The following RPRD2 variants were observed in gnomAD, a reference collection of about 807,000 sequenced individuals.
The protein encoded by RPRD2 is regulation of nuclear pre-mRNA domain-containing protein 2.
RPRD2 carries 12 observed loss-of-function variants against 104.4 expected under a neutral mutation model. That is an observed-to-expected ratio of 0.11 (90% CI 0.07 to 0.19). The LOEUF (loss-of-function observed/expected upper bound fraction) is 0.19, where lower values mean the gene tolerates loss of function less well. Among genes scored for constraint, RPRD2 ranks in the 10% least tolerant of loss-of-function variants. The pLI, the probability that RPRD2 is intolerant of heterozygous loss-of-function variation, is 1.00. For missense variants in RPRD2, 1,543 were observed against 1,790.1 expected (o/e 0.86, Z 2.49); for synonymous variants, 714 against 684.9 (o/e 1.04, Z -0.66).
chr1:150,365,975 G>T (rs1451854010), intron 1 of RPRD2, among the ~76,000 whole-genome samples: 1 of 152,154 alleles, frequency 6.6e-6, no homozygotes, highest in African/African-American at 2.4e-5. Context: ...TGTGCTTTTT[G>T]AATATGTAGT....
Position 150,364,726 on chromosome 1 carries a change from C to T in RPRD2, c.12C>T (p.Gly4=), listed in dbSNP as rs782473657. MAA[G]GGGGSSKASS... is the part of the protein sequence containing the mutation. Reference sequence around the variant, plus strand: ...TGCAAACCGGGAAGATGGCGGCCGGCGGCGGCGGAGGCAGCAGTAAGGCCT... The same window carrying T: ...TGCAAACCGGGAAGATGGCGGCCGGTGGCGGCGGAGGCAGCAGTAAGGCCT... Residue 4 remains glycine, a synonymous_variant, in exon 1 of 11, where the codon GGC becomes GGT. Coordinates refer to ENST00000369068, the MANE Select transcript of RPRD2 (RefSeq NM_015203.5). The T allele has an allele frequency of 2.5e-6, 4 of 1,570,190 alleles. No individual in the cohort carries two copies. The highest frequency in any genetic ancestry group is 2.3e-5 in the South Asian group (2 of 87,288).
intron 3 of RPRD2, 139 bp from the exon 4 acceptor site, chr1:150,441,742 T>TA (rs1666418006): frequency 1.9e-6 from 1 of 535,940 alleles, no homozygotes; most frequent in Admixed American, 3.8e-5. Flanking sequence ...TATTTTTTCA[T>TA]AAAAATGAAA....
chr1:150,432,672 C>T (rs587735854), intron 2 of RPRD2, among the ~76,000 whole-genome samples: 3 of 145,638 alleles, frequency 2.1e-5, no homozygotes, highest in African/African-American at 7.6e-5. Context: ...TATAAAAGGA[C>T]TACAATTAAA....
rs587743268 is a variant in RPRD2, at chr1:150,379,727, G to T, written c.205+14808G>T. ...AATTTTTGTATTTTTAGTAGAGATG[G>T]GATTTCACCATGTGTGGCCAGGATG... On this transcript the variant is annotated intron_variant, in intron 1 of 10. Coordinates refer to ENST00000369068, the MANE Select transcript of RPRD2 (RefSeq NM_015203.5). 1.6e-4 allele frequency among the ~76,000 whole-genome samples: 25 copies of T among 152,256 alleles called. 1 individual carries two copies. The South Asian group carries it at 5.0e-3, about 30-fold the overall frequency.
rs868968205 is a variant in RPRD2 at position 150,407,794 on chromosome 1, A to T, written c.206-9802A>T. The stretch of plus-strand genomic sequence containing the variant: ...TTTCTTCTATTTAAATATTCAAGTG[A>T]CACTGCCATTATTTGTACTGAGTGT... On this transcript the variant is annotated intron_variant, in intron 1 of 10. Coordinates refer to ENST00000369068, the MANE Select transcript of RPRD2 (RefSeq NM_015203.5). Among the ~76,000 whole-genome samples the T allele has an allele frequency of 1.8e-4, 27 of 152,374 alleles. 1 individual carries two copies. In the Middle Eastern group the frequency reaches 0.024, roughly 134 times the overall value.
chr1:150,381,705 C>T (rs1419234239), intron 1 of RPRD2, among the ~76,000 whole-genome samples: 1 of 151,916 alleles, frequency 6.6e-6, no homozygotes, highest in Non-Finnish European at 1.5e-5. Flanking sequence ...GGGGTTTCAC[C>T]GTGTCAGCCA....
chr1:150,406,958 G>A (rs1363557111), intron 1 of RPRD2, among the ~76,000 whole-genome samples: 1 of 151,864 alleles, frequency 6.6e-6, no homozygotes, highest in South Asian at 2.1e-4. Context: ...CAGGTGATCC[G>A]CCCGCCTCGG....
At chr1:150,426,787 A>G (rs970696685) in intron 2 of RPRD2, among the ~76,000 whole-genome samples, 3 of 152,058 alleles carry the variant, frequency 2.0e-5, no homozygotes, top group Admixed American at 6.6e-5. Context: ...AGTTCTGGAG[A>G]TATGGATGGT....
Position 150,364,614 on chromosome 1 carries a change from C to T in RPRD2, c.-101C>T. 1.5e-6 allele frequency: 1 copy of T among 648,174 alleles called. No homozygotes were observed. The allele number at this position is 648,174 out of a possible 1,614,324, so 40.2% of individuals were successfully genotyped here. A position where few individuals can be genotyped will look rare whatever the true frequency, so the allele number is the denominator to read the frequency against. On this transcript the variant is annotated 5_prime_UTR_variant, in exon 1 of 11. Coordinates refer to ENST00000369068, the MANE Select transcript of RPRD2 (RefSeq NM_015203.5). ...CCCCACCCCCTAGCTTCCCTCCCCACCTACGGCTTTCACGCACTCGCAGTG... is the reference window on the plus strand; with the variant it reads ...CCCCACCCCCTAGCTTCCCTCCCCATCTACGGCTTTCACGCACTCGCAGTG...
chr1:150,403,339 T>C (rs1553885815), intron 1 of RPRD2, among the ~76,000 whole-genome samples: 1 of 152,138 alleles, frequency 6.6e-6, no homozygotes. Context: ...ACATTAACAT[T>C]GTTACGCAGC....
intron 1 of RPRD2, among the ~76,000 whole-genome samples, chr1:150,389,819 A>G (rs1000220430): frequency 6.6e-6 from 1 of 152,216 alleles, no homozygotes; most frequent in Admixed American, 6.5e-5. Flanking sequence ...TCACAGAAGT[A>G]AAGAGTCAGC....
intron 1 of RPRD2, among the ~76,000 whole-genome samples, chr1:150,401,956 TA>T (rs1663058700): frequency 1.6e-5 from 2 of 123,042 alleles, no homozygotes; most frequent in Admixed American, 1.5e-4. Flanking sequence ...TTTTTTTTTT[TA>T]ATTTTTTTTT....
chr1:150,445,480 CT>C (rs1485330278), intron 6 of RPRD2, among the ~76,000 whole-genome samples: 1 of 152,162 alleles, frequency 6.6e-6, no homozygotes, highest in African/African-American at 2.4e-5. Flanking sequence ...TTTATTTTTA[CT>C]TTTCTGAACG....
intron 1 of RPRD2, among the ~76,000 whole-genome samples, chr1:150,388,627 T>C (rs1661825440): frequency 6.6e-6 from 1 of 151,256 alleles, no homozygotes; most frequent in Non-Finnish European, 1.5e-5. Context: ...TTTTTTTTTT[T>C]TTTTTGAGAT....
At chr1:150,397,358 A>G (rs1338878865) in intron 1 of RPRD2, among the ~76,000 whole-genome samples, 1 of 152,168 alleles carries the variant, frequency 6.6e-6, no homozygotes, top group Non-Finnish European at 1.5e-5. Context: ...TGATTTACAT[A>G]CACCAAAGTT....
chr1:150,467,594 G>A (rs920574266), intron 10 of RPRD2, among the ~76,000 whole-genome samples: 2 of 151,856 alleles, frequency 1.3e-5, no homozygotes, highest in African/African-American at 4.8e-5. Flanking sequence ...GGCTGGTCTC[G>A]AACTCCTGAC....
chr1:150,441,808 A>G, intron 3 of RPRD2, 73 bp from the exon 4 acceptor site: 2 of 966,002 alleles, frequency 2.1e-6, no homozygotes, highest in Admixed American at 2.5e-5. Flanking sequence ...TCATGCTGCA[A>G]CTTTGGCACT....
chr1:150,384,189 T>C (rs1553881319), intron 1 of RPRD2, among the ~76,000 whole-genome samples: 1 of 152,088 alleles, frequency 6.6e-6, no homozygotes, highest in Non-Finnish European at 1.5e-5. Flanking sequence ...TCCTGGAACG[T>C]GCTTGGGGAA....
intron 1 of RPRD2, among the ~76,000 whole-genome samples, chr1:150,406,751 GT>G (rs1410761319): frequency 1.3e-5 from 2 of 152,254 alleles, no homozygotes; most frequent in Middle Eastern, 3.4e-3. Flanking sequence ...TTTTGCTTTT[GT>G]TGCCCAGACT....
Sources: gnomAD v4.1 joint callset for allele counts (sites outside exome capture counted in the v4.1 genomes callset) on GRCh38, gnomAD v4.1.1 for gene constraint, MANE v1.5 for transcripts, NCBI Gene and HGNC (gene_info 2026-07-23, HGNC 2026-07-21) for gene names.